ADAMTS3: variants seen among roughly 807,000 people sequenced by gnomAD.
ADAMTS3 encodes A disintegrin and metalloproteinase with thrombospondin motifs 3.
In ADAMTS3, 73 loss-of-function variants were observed where a neutral mutation model predicts 129.0. That is an observed-to-expected ratio of 0.57 (90% CI 0.47 to 0.69). The LOEUF (loss-of-function observed/expected upper bound fraction) is 0.69, where lower values mean the gene tolerates loss of function less well. Among genes scored for constraint, ADAMTS3 ranks in the 30% least tolerant of loss-of-function variants. The probability of loss-of-function intolerance (pLI) is 0.00; values close to 1 mark genes in which losing one functional copy is unlikely to be tolerated. For missense variants in ADAMTS3, 1,457 were observed against 1,514.5 expected (o/e 0.96, Z 0.63); for synonymous variants, 477 against 510.8 (o/e 0.93, Z 0.89).
At chr4:72,565,814 C>A (rs76038695) in intron 2 of ADAMTS3, among the ~76,000 whole-genome samples, 2,266 of 152,258 alleles carry the variant, frequency 0.015, 49 homozygotes, top group African/African-American at 0.05. Context: ...ACAACTGAAC[C>A]AAACTTCGGT....
At position 72,530,681 on chromosome 4, in the gene ADAMTS3, A is replaced by G. The variant is rs1417801005; in HGVS notation, c.504+17797T>C. Among the ~76,000 whole-genome samples, 9 of 90,766 alleles carry G rather than the reference A, an allele frequency of 9.9e-5. 1 individual carries two copies. In the Admixed American group the frequency reaches 1.3e-3, roughly 13 times the overall value. The allele number at this position is 90,766 out of a possible 152,430, so 59.5% of individuals were successfully genotyped here. A position where few individuals can be genotyped will look rare whatever the true frequency, so the allele number is the denominator to read the frequency against. On this transcript the variant is annotated intron_variant, in intron 3 of 21. Coordinates refer to ENST00000286657, the MANE Select transcript of ADAMTS3 (RefSeq NM_014243.3). ...ATATATTATATAATATATAATATGT[A>G]TAATATATATTGTATCATATATTAT...
chr4:72,306,077 T>G lies in ADAMTS3; in HGVS notation c.2180-10A>C. ...AACATCTTAAGGTACCCTTTGCATGTGTAGTAAATATTGTAGGAAGCAAAG... is the reference window on the plus strand; with the variant it reads ...AACATCTTAAGGTACCCTTTGCATGGGTAGTAAATATTGTAGGAAGCAAAG... On this transcript the variant is annotated splice_polypyrimidine_tract_variant and intron_variant, in intron 15 of 21. Transcript: ENST00000286657. 6.3e-7 allele frequency: 1 copy of G among 1,589,224 alleles called. No individual in the cohort carries two copies. Among genetic ancestry groups the G allele is most frequent in the Non-Finnish European group, 8.6e-7 (1 of 1,168,980 alleles).
At chr4:72,364,608 C>T (rs1720820292) in intron 4 of ADAMTS3, among the ~76,000 whole-genome samples, 2 of 146,492 alleles carry the variant, frequency 1.4e-5, no homozygotes, top group Admixed American at 6.8e-5. Flanking sequence ...AGCAAGACTC[C>T]GTTTAAAAAA....
rs116135095 is a variant in ADAMTS3 at position 72,416,897 on chromosome 4, A to T, written c.505-1926T>A. On this transcript the variant is annotated intron_variant, in intron 3 of 21. Coordinates refer to ENST00000286657, the MANE Select transcript of ADAMTS3 (RefSeq NM_014243.3). ...TCCAAACTAAGCACAAACACAGTAAATGTATAAAAAGTTAATAAAATGTAT... is the reference window on the plus strand; with the variant it reads ...TCCAAACTAAGCACAAACACAGTAATTGTATAAAAAGTTAATAAAATGTAT... Among the ~76,000 whole-genome samples the T allele has an allele frequency of 6.9e-3, 1,057 of 152,290 alleles. 6 individuals carry two copies. Among genetic ancestry groups the T allele is most frequent in the African/African-American group, 0.024 (1,001 of 41,552 alleles).
Position 72,391,405 on chromosome 4 carries a change from C to T in ADAMTS3, c.661+23410G>A, listed in dbSNP as rs142175211. Among the ~76,000 whole-genome samples, 9 of 152,196 alleles carry T rather than the reference C, an allele frequency of 5.9e-5. No homozygotes were observed. The East Asian group carries it at 1.2e-3, about 20-fold the overall frequency. ...GCAAAAGAAATGGCATTCCCAAAGG[C>T]CCACACTGAAGATAAAGCTTAGCAG... is the stretch of plus-strand genomic sequence containing the variant. On this transcript the variant is annotated intron_variant, in intron 4 of 21. Coordinates refer to ENST00000286657, the MANE Select transcript of ADAMTS3 (RefSeq NM_014243.3).
At chr4:72,562,774 TCAA>T (rs1334593418) in intron 2 of ADAMTS3, among the ~76,000 whole-genome samples, 2 of 152,214 alleles carry the variant, frequency 1.3e-5, no homozygotes, top group Non-Finnish European at 2.9e-5. Flanking sequence ...AAGAAAAAAT[TCAA>T]CAACTTATAA....
At chr4:72,360,018 A>C (rs576178588) in intron 4 of ADAMTS3, among the ~76,000 whole-genome samples, 1 of 152,184 alleles carries the variant, frequency 6.6e-6, no homozygotes, top group East Asian at 1.9e-4. Flanking sequence ...GCCTATATGG[A>C]AAAGGCAATT....
At chr4:72,529,055 G>A (rs967566754) in intron 3 of ADAMTS3, among the ~76,000 whole-genome samples, 2 of 152,062 alleles carry the variant, frequency 1.3e-5, no homozygotes, top group Admixed American at 6.6e-5. Context: ...CCTTTCTGAG[G>A]AAATATAATT....
At chr4:72,332,684 C>A (rs1719881495) in intron 5 of ADAMTS3, among the ~76,000 whole-genome samples, 1 of 152,034 alleles carries the variant, frequency 6.6e-6, no homozygotes, top group Admixed American at 6.6e-5. Flanking sequence ...TTTGACCTGT[C>A]ACAGACAGCA....
Position 72,425,040 on chromosome 4 carries a change from G to GCATTCAAA in ADAMTS3, c.505-10070_505-10069insTTTGAATG, listed in dbSNP as rs1722534957. 2.6e-5 allele frequency among the ~76,000 whole-genome samples: 4 copies of GCATTCAAA among 152,188 alleles called. No individual in the cohort carries two copies. In the South Asian group the frequency reaches 8.3e-4, roughly 32 times the overall value. On this transcript the variant is annotated intron_variant, in intron 3 of 21. Coordinates refer to ENST00000286657, the MANE Select transcript of ADAMTS3 (RefSeq NM_014243.3). Reference sequence around the variant, plus strand: ...TATAAGTCCTATATTTCAAGCTAAAGCTACAACAGCATTATAGTTTAACTG... The same window carrying GCATTCAAA: ...TATAAGTCCTATATTTCAAGCTAAAGCATTCAAACTACAACAGCATTATAGTTTAACTG...
At chr4:72,527,700 G>T (rs1210401695) in intron 3 of ADAMTS3, among the ~76,000 whole-genome samples, 2 of 152,116 alleles carry the variant, frequency 1.3e-5, no homozygotes, top group Admixed American at 6.6e-5. Flanking sequence ...AGAAACCAAA[G>T]AGACATGGCT....
intron 21 of ADAMTS3, among the ~76,000 whole-genome samples, chr4:72,288,487 G>A (rs534110866): frequency 3.9e-5 from 6 of 152,210 alleles, no homozygotes; most frequent in East Asian, 3.9e-4. Context: ...ATTGATAGAC[G>A]TTACATATAC....
chr4:72,479,500 G>C (rs1719360557), intron 3 of ADAMTS3, among the ~76,000 whole-genome samples: 1 of 152,156 alleles, frequency 6.6e-6, no homozygotes, highest in Non-Finnish European at 1.5e-5. Flanking sequence ...TATGTAGAAA[G>C]CTGAAACTGG....
chr4:72,531,415 G>GA (rs760983886), intron 3 of ADAMTS3, among the ~76,000 whole-genome samples: 23 of 152,124 alleles, frequency 1.5e-4, no homozygotes, highest in Non-Finnish European at 2.6e-4. Flanking sequence ...TATGATTCTG[G>GA]AGCTCAGAAG....
intron 5 of ADAMTS3, among the ~76,000 whole-genome samples, chr4:72,329,694 G>A (rs971539578): frequency 2.0e-5 from 3 of 150,918 alleles, no homozygotes; most frequent in Non-Finnish European, 4.4e-5. Context: ...TGGTTTAATC[G>A]CTTCCTTCCT....
chr4:72,510,304 A>G (rs2110033108), intron 3 of ADAMTS3, among the ~76,000 whole-genome samples: 1 of 152,214 alleles, frequency 6.6e-6, no homozygotes, highest in East Asian at 1.9e-4. Flanking sequence ...TATAAAGGGC[A>G]TCCAAATTGG....
intron 3 of ADAMTS3, among the ~76,000 whole-genome samples, chr4:72,485,983 T>A (rs951834541): frequency 9.9e-5 from 15 of 152,210 alleles, no homozygotes; most frequent in Non-Finnish European, 5.9e-5. Flanking sequence ...TGATCTTGGA[T>A]TTCCTAGCAT....
At chr4:72,443,361 C>T (rs1161382789) in intron 3 of ADAMTS3, among the ~76,000 whole-genome samples, 1 of 151,678 alleles carries the variant, frequency 6.6e-6, no homozygotes, top group Non-Finnish European at 1.5e-5. Context: ...AAGCACTGTG[C>T]TAGGAGTTGT....
intron 3 of ADAMTS3, among the ~76,000 whole-genome samples, chr4:72,425,470 G>A (rs1722547723): frequency 1.3e-5 from 2 of 151,980 alleles, no homozygotes; most frequent in African/African-American, 2.4e-5. Flanking sequence ...ATCTCCTAAT[G>A]CTATCCCTCC....
Sources: allele counts gnomAD v4.1 joint callset (sites outside exome capture counted in the v4.1 genomes callset), GRCh38; gene constraint gnomAD v4.1.1; transcripts MANE v1.5; gene names NCBI Gene and HGNC (gene_info 2026-07-23, HGNC 2026-07-21).